Variants in MTMR9 observed in about 807,000 individuals in gnomAD.
MTMR9 encodes myotubularin-related protein 9.
A neutral mutation model predicts 69.5 loss-of-function variants in MTMR9; 39 were observed. The observed-to-expected ratio is 0.56, with a 90% CI of 0.43 to 0.73. The LOEUF is 0.73. Among genes scored for constraint, MTMR9 ranks in the 30% least tolerant of loss-of-function variants. The pLI is 0.00. For synonymous variants in MTMR9, 354 were observed against 240.8 expected, an observed-to-expected ratio of 1.47 and a Z score of -4.35; for missense variants, 900 against 671.2, an observed-to-expected ratio of 1.34 and a Z score of -3.77.
At chr8:11,293,094 A>G (rs1233336886) in intron 1 of MTMR9, among the ~76,000 whole-genome samples, 1 of 152,212 alleles carries the variant, frequency 6.6e-6, no homozygotes, top group Non-Finnish European at 1.5e-5. Context: ...TGACAGGTTC[A>G]TGTATGTTAT....
In MTMR9 at chr8:11,323,352, CTTGT is replaced by C. The variant is rs1800780974; in HGVS notation, c.*569_*572del. The stretch of plus-strand genomic sequence containing the variant: ...AACGAAGCTGAAATCTATTCTCATT[CTTGT>C]TTGTCAAGAAAGGAAAATCTGTTAT... On this transcript the variant is annotated 3_prime_UTR_variant, in exon 10 of 10. Transcript: ENST00000221086. The C allele has an allele frequency of 6.6e-6, 1 of 152,182 alleles. No homozygotes were observed. The highest frequency in any genetic ancestry group is 1.5e-5 in the Non-Finnish European group (1 of 68,020). 9.4% of individuals were successfully genotyped at this position (152,182 alleles called of 1,614,324 possible). A position where few individuals can be genotyped will look rare whatever the true frequency, so the allele number is the denominator to read the frequency against.
chr8:11,303,215 T>A (rs1386482570), intron 3 of MTMR9, among the ~76,000 whole-genome samples: 1 of 148,772 alleles, frequency 6.7e-6, no homozygotes, highest in Non-Finnish European at 1.5e-5. Flanking sequence ...TTTTAAAAGC[T>A]ATAGGAGTTA....
At chr8:11,285,171 C>T (rs1799102471) in intron 1 of MTMR9, 101 bp downstream of exon 1, 24 of 1,238,568 alleles carry the variant, frequency 1.9e-5, no homozygotes, top group Non-Finnish European at 2.5e-5. Flanking sequence ...TGCCGCCCAG[C>T]TAGCCGGCAA....
rs1800436460 is a variant in MTMR9 at position 11,316,789 on chromosome 8, G to A, written c.1230G>A (p.Gln410=). Residue 410 remains glutamine (Q), a synonymous_variant, in exon 8 of 10, where the codon CAG becomes CAA. Transcript: ENST00000221086. The part of the protein sequence containing the change: ...FLDCVWQILR[Q]FPCSFEFNEN... ...ACTGCGTGTGGCAGATCCTTCGTCA[G>A]TTTCCCTGTTCTTTTGAGTTTAATG... The A allele has an allele frequency of 1.2e-6, 2 of 1,613,856 alleles. No homozygotes were observed. Among genetic ancestry groups the A allele is most frequent in the South Asian group, 1.1e-5 (1 of 91,058 alleles).
chr8:11,331,774 C>T, downstream of MTMR9: 3 of 1,611,704 alleles, frequency 1.9e-6, no homozygotes, highest in Non-Finnish European at 1.7e-6. Flanking sequence ...CCAACAGTGG[C>T]CTTCCTATCT....
At position 11,322,766 on chromosome 8, in the gene MTMR9, A is replaced by T. The variant is rs896890040; in HGVS notation, c.1628A>T (p.Asp543Val). 3.7e-6 allele frequency: 6 copies of T among 1,613,954 alleles called. No homozygotes were observed. In the Admixed American group the frequency reaches 6.7e-5, roughly 18 times the overall value. The part of the protein sequence containing the change: ...RRQLAELETE[D>V]GMQESP ...CAGTTGGCAGAACTGGAAACAGAGG[A>T]CGGGATGCAGGAGAGTCCCTGAAAG... is the stretch of plus-strand genomic sequence containing the variant. The change falls in exon 10 of 10, where the codon GAC becomes GTC. Residue 543 changes from aspartate (D) to valine (V), a missense_variant. Physicochemically the swap from Asp to Val is radical, Grantham distance 152. Transcript: ENST00000221086.
chr8:11,293,399 T>G (rs1248637376), intron 1 of MTMR9, among the ~76,000 whole-genome samples: 1 of 152,204 alleles, frequency 6.6e-6, no homozygotes, highest in Non-Finnish European at 1.5e-5. Flanking sequence ...AAAGTTACAG[T>G]AAGGTAAGGT....
chr8:11,325,504 G>C lies in MTMR9; in HGVS notation c.*2716G>C, dbSNP rs1034827825. On this transcript the variant is annotated 3_prime_UTR_variant, in exon 10 of 10. Coordinates refer to ENST00000221086, the MANE Select transcript of MTMR9 (RefSeq NM_015458.4). Reference sequence around the variant, plus strand: ...TCACGTGAGGGATAATCAGATTCCTGCGTATTCAGCATCTTCTCTATTCAT... The same window carrying C: ...TCACGTGAGGGATAATCAGATTCCTCCGTATTCAGCATCTTCTCTATTCAT... 1 of 152,142 alleles carries C rather than the reference G, an allele frequency of 6.6e-6. No homozygotes were observed. The highest frequency in any genetic ancestry group is 2.4e-5 in the African/African-American group (1 of 41,430). 9.4% of individuals were successfully genotyped at this position (152,142 alleles called of 1,614,324 possible). A position where few individuals can be genotyped will look rare whatever the true frequency, so the allele number is the denominator to read the frequency against.
At chr8:11,332,234 G>A (rs1801266272), downstream of MTMR9, 1 of 1,466,376 alleles carries the variant, frequency 6.8e-7, no homozygotes, top group African/African-American at 1.4e-5. Context: ...TCCTAGGAAA[G>A]AGTGAAAGTC....
rs1800923151 is a variant in MTMR9 at position 11,326,217 on chromosome 8, C to G, written c.*3429C>G. The G allele has an allele frequency of 6.6e-6, 1 of 151,854 alleles. No homozygotes were observed. The highest frequency in any genetic ancestry group is 6.6e-5 in the Admixed American group (1 of 15,214). The allele number at this position is 151,854 out of a possible 1,614,324, so 9.4% of individuals were successfully genotyped here. On this transcript the variant is annotated 3_prime_UTR_variant, in exon 10 of 10. Transcript: ENST00000221086. Reference sequence around the variant, plus strand: ...TGTAGTTGTCTGGTTTCAGGGATAGCTGTTTGAATTGTCATTCTAAAGTAG... The same window carrying G: ...TGTAGTTGTCTGGTTTCAGGGATAGGTGTTTGAATTGTCATTCTAAAGTAG...
At chr8:11,310,980 G>C (rs1056309298) in intron 6 of MTMR9, among the ~76,000 whole-genome samples, 3 of 152,040 alleles carry the variant, frequency 2.0e-5, no homozygotes, top group Non-Finnish European at 2.9e-5. Flanking sequence ...GGTTAATTTT[G>C]CCATGTTTGA....
chr8:11,298,961 C>A, intron 2 of MTMR9: 3 of 743,186 alleles, frequency 4.0e-6, no homozygotes, highest in Non-Finnish European at 4.9e-6. Context: ...TGATACATGA[C>A]CAAATGGCAT....
At chr8:11,298,924 A>G (rs1229248259) in intron 2 of MTMR9, 18 of 950,358 alleles carry the variant, frequency 1.9e-5, no homozygotes, top group Non-Finnish European at 2.1e-5. Context: ...CCATTTGAGA[A>G]TGGATCCCTG....
chr8:11,331,737 C>G, downstream of MTMR9: 1 of 1,611,914 alleles, frequency 6.2e-7, no homozygotes, highest in Non-Finnish European at 8.5e-7. Flanking sequence ...TCTGGTCTAT[C>G]GTTCTCTGCA....
the MTMR9 span, among the ~76,000 whole-genome samples, chr8:11,337,569 T>C: frequency 1.3e-5 from 2 of 152,218 alleles, no homozygotes; most frequent in African/African-American, 2.4e-5. Context: ...TGGTCCGGTG[T>C]GATAGTCTAA....
intron 2 of MTMR9, among the ~76,000 whole-genome samples, 161 bp from the exon 3 acceptor site, chr8:11,299,862 A>T (rs2736387): frequency 6.6e-6 from 1 of 152,038 alleles, no homozygotes; most frequent in Admixed American, 6.5e-5. Flanking sequence ...AATCAGCTTC[A>T]GTAAGACTAA....
intron 2 of MTMR9, chr8:11,297,916 C>T (rs1799616225): frequency 2.2e-6 from 1 of 456,068 alleles, no homozygotes; most frequent in African/African-American, 2.0e-5. Flanking sequence ...TCCTGCTAGC[C>T]CTCCACCCTT....
At position 11,296,115 on chromosome 8, in the gene MTMR9, A is replaced by G. The variant is rs1015261110; in HGVS notation, c.291+813A>G. ...CATATTATTACATATATATATACAC[A>G]TTATTACATGTATTAGTACATTATT... is the stretch of plus-strand genomic sequence containing the variant. On this transcript the variant is annotated intron_variant, in intron 2 of 9. Coordinates refer to ENST00000221086, the MANE Select transcript of MTMR9 (RefSeq NM_015458.4). 8.5e-5 allele frequency among the ~76,000 whole-genome samples: 13 copies of G among 152,256 alleles called. No individual in the cohort carries two copies. The East Asian group carries it at 1.2e-3, about 14-fold the overall frequency.
chr8:11,335,263 C>T, the MTMR9 span, among the ~76,000 whole-genome samples: 7 of 152,148 alleles, frequency 4.6e-5, no homozygotes, highest in East Asian at 5.8e-4. Flanking sequence ...AATTGCTTTC[C>T]TATCTGTCAG....
Sources: allele counts gnomAD v4.1 joint callset (sites outside exome capture counted in the v4.1 genomes callset), GRCh38; gene constraint gnomAD v4.1.1; transcripts MANE v1.5; gene names NCBI Gene and HGNC (gene_info 2026-07-23, HGNC 2026-07-21).